CHST15: variants seen among roughly 807,000 people sequenced by gnomAD.
CHST15 encodes carbohydrate sulfotransferase 15.
CHST15 carries 30 observed loss-of-function variants against 53.6 expected under a neutral mutation model. The observed-to-expected ratio is 0.56, with a 90% CI of 0.42 to 0.76. CHST15 has a LOEUF of 0.76. CHST15 is among the 30% of genes least tolerant of loss of function. The probability of loss-of-function intolerance (pLI) is 0.00; values close to 1 mark genes in which losing one functional copy is unlikely to be tolerated. For missense variants in CHST15, 627 were observed against 740.5 expected (o/e 0.85, Z 1.78); for synonymous variants, 296 against 289.8 (o/e 1.02, Z -0.22).
Position 124,032,247 on chromosome 10 carries a change from G to A in CHST15, c.1190+6268C>T, listed in dbSNP as rs75037498. On this transcript the variant is annotated intron_variant, in intron 5 of 7. Transcript: ENST00000435907. ...GGTCAAAATCGAGTTTGAATTCTTCGCCAAGCTGAGTTCTCCTTCCCTTTG... is the reference window on the plus strand; with the variant it reads ...GGTCAAAATCGAGTTTGAATTCTTCACCAAGCTGAGTTCTCCTTCCCTTTG... 4.4e-3 allele frequency among the ~76,000 whole-genome samples: 673 copies of A among 152,284 alleles called. 3 individuals carry two copies. Among genetic ancestry groups the A allele is most frequent in the African/African-American group, 0.015 (619 of 41,558 alleles).
At chr10:124,016,935 CT>C (rs1250128051) in intron 6 of CHST15, among the ~76,000 whole-genome samples, 1 of 152,174 alleles carries the variant, frequency 6.6e-6, no homozygotes, top group Non-Finnish European at 1.5e-5. Flanking sequence ...TCAGTTTCAG[CT>C]GTGCTCTCCA....
At chr10:124,052,888 T>C (rs115609988) in intron 1 of CHST15, among the ~76,000 whole-genome samples, 4,269 of 152,108 alleles carry the variant, frequency 0.028, 193 homozygotes, top group African/African-American at 0.098. Flanking sequence ...AAAAAATTTG[T>C]CAGGATTGGT....
Position 124,024,836 on chromosome 10 carries a change from T to C in CHST15, c.1191-3424A>G, listed in dbSNP as rs1478506935. ...CAATTGGTCTGAGGGGTACCCTTCC[T>C]GGCTCACACATTTCCTATGAGTCCT... On this transcript the variant is annotated intron_variant, in intron 5 of 7. Transcript: ENST00000435907. The surrounding 1 kb of genome is among the most constrained non-coding windows in gnomAD (Gnocchi z 4.0). Among the ~76,000 whole-genome samples the C allele has an allele frequency of 2.0e-5, 3 of 152,232 alleles. No homozygotes were observed. The highest frequency in any genetic ancestry group is 7.2e-5 in the African/African-American group (3 of 41,462).
chr10:124,045,477 GCA>G (rs1947960542), intron 2 of CHST15, among the ~76,000 whole-genome samples, 188 bp downstream of exon 2: 1 of 152,292 alleles, frequency 6.6e-6, no homozygotes, highest in South Asian at 2.1e-4. Context: ...TCCCTTCCTG[GCA>G]CTCCATAGCG....
At chr10:124,047,632 C>T (rs990586464) in intron 1 of CHST15, among the ~76,000 whole-genome samples, 2 of 152,182 alleles carry the variant, frequency 1.3e-5, no homozygotes, top group African/African-American at 4.8e-5. Flanking sequence ...AGCCACATAA[C>T]CTCTCTGAGC....
At chr10:124,020,741 G>A in intron 6 of CHST15, 1 of 1,026,236 alleles carries the variant, frequency 9.7e-7, no homozygotes, top group Non-Finnish European at 1.2e-6. Flanking sequence ...ACAGCTTTTT[G>A]CATTCAAAAA....
intron 6 of CHST15, among the ~76,000 whole-genome samples, chr10:124,013,499 T>C (rs1355239380): frequency 6.6e-6 from 1 of 152,178 alleles, no homozygotes; most frequent in Non-Finnish European, 1.5e-5. Flanking sequence ...GCACTTCCTC[T>C]CCCTTGGCTG....
At chr10:124,028,132 G>A (rs768082132) in intron 5 of CHST15, among the ~76,000 whole-genome samples, 9 of 152,320 alleles carry the variant, frequency 5.9e-5, no homozygotes, top group Non-Finnish European at 7.3e-5. Context: ...TGCCACGGTC[G>A]GGAACAGCAA....
At position 124,042,332 on chromosome 10, in the gene CHST15, C is replaced by T; in HGVS notation, c.1002G>A (p.Lys334=). 1 of 1,614,056 alleles carries T rather than the reference C, an allele frequency of 6.2e-7. No individual in the cohort carries two copies. The highest frequency in any genetic ancestry group is 8.5e-7 in the Non-Finnish European group (1 of 1,179,910). ...TGATTGTATTCATCTTGCTCTGCTCCTTTGCAGAGCTGGCCTGCAGTCCTT... is the reference window on the plus strand; with the variant it reads ...TGATTGTATTCATCTTGCTCTGCTCTTTTGCAGAGCTGGCCTGCAGTCCTT... The part of the protein sequence containing the change: ...IHQGLQASSA[K]EQSKMNTIII... Residue 334 remains lysine (K), a synonymous_variant, in exon 4 of 8, where the codon AAG becomes AAA. Transcript: ENST00000435907.
rs555124421 is a variant in CHST15, at chr10:124,091,858, C to G, written c.-513+1611G>C. 9.2e-5 allele frequency among the ~76,000 whole-genome samples: 14 copies of G among 152,330 alleles called. No individual in the cohort carries two copies. The South Asian group carries it at 2.9e-3, about 32-fold the overall frequency. On this transcript the variant is annotated intron_variant, in intron 1 of 7. Transcript: ENST00000435907. ...ACCTCCAGCCGCCAGCAGCCGGCAACCCAGCCCCAGCCTTCCTCCTCTATA... is the reference window on the plus strand; with the variant it reads ...ACCTCCAGCCGCCAGCAGCCGGCAAGCCAGCCCCAGCCTTCCTCCTCTATA...
At chr10:124,086,951 C>T (rs926894144) in intron 1 of CHST15, among the ~76,000 whole-genome samples, 2 of 152,210 alleles carry the variant, frequency 1.3e-5, no homozygotes, top group African/African-American at 4.8e-5. Flanking sequence ...CTGCCCCACC[C>T]AGTGCCTATG....
rs150036804 is a variant in CHST15 at position 124,042,374 on chromosome 10, G to A, written c.960C>T (p.Ala320=). 1.9e-5 allele frequency: 30 copies of A among 1,614,028 alleles called. No individual in the cohort carries two copies. The highest frequency in any genetic ancestry group is 2.2e-5 in the Non-Finnish European group (26 of 1,180,014). The part of the protein sequence containing the change: ...VEDYLDLFDL[A]AHQIHQGLQA... ...GCAGTCCTTGATGGATCTGGTGTGC[G>A]GCCAGGTCAAAGAGGTCCAGATAAT... Residue 320 remains alanine, a synonymous_variant, in exon 4 of 8, where the codon GCC becomes GCT. Coordinates refer to ENST00000435907, the MANE Select transcript of CHST15 (RefSeq NM_001270764.2).
intron 5 of CHST15, among the ~76,000 whole-genome samples, chr10:124,025,075 G>C (rs759341915): frequency 1.1e-4 from 17 of 152,176 alleles, no homozygotes; most frequent in African/African-American, 1.7e-4. Context: ...TCCATACTGA[G>C]AATTTTCTTT....
chr10:124,011,714 G>C (rs1471092041), intron 7 of CHST15: 4 of 985,282 alleles, frequency 4.1e-6, no homozygotes, highest in Non-Finnish European at 4.8e-6. Context: ...CCCCTGGGGG[G>C]GCTGGTATCC....
chr10:124,080,519 C>T (rs944455736), intron 1 of CHST15, among the ~76,000 whole-genome samples: 6 of 152,214 alleles, frequency 3.9e-5, no homozygotes, highest in African/African-American at 1.4e-4. Context: ...AGCACTGGGA[C>T]CCTGTGTGTC....
At chr10:124,049,640 G>T (rs1324427651) in intron 1 of CHST15, among the ~76,000 whole-genome samples, 1 of 152,218 alleles carries the variant, frequency 6.6e-6, no homozygotes, top group East Asian at 1.9e-4. Context: ...AGTGGAGGAA[G>T]AGGGCATGGA....
Position 124,080,861 on chromosome 10 carries a change from G to A in CHST15, c.-513+12608C>T, listed in dbSNP as rs934289460. On this transcript the variant is annotated intron_variant, in intron 1 of 7. Transcript: ENST00000435907. ...CCTTTCACCCATCTGTCTGTCCATC[G>A]GCCCAATCATTCTTTCCCATGGACT... is the stretch of plus-strand genomic sequence containing the variant. 1.1e-4 allele frequency among the ~76,000 whole-genome samples: 17 copies of A among 152,084 alleles called. No individual in the cohort carries two copies. The East Asian group carries it at 1.2e-3, about 10-fold the overall frequency.
chr10:124,013,187 A>T (rs545470254), intron 6 of CHST15, among the ~76,000 whole-genome samples: 1 of 152,256 alleles, frequency 6.6e-6, no homozygotes, highest in East Asian at 1.9e-4. Flanking sequence ...CCTGCCTGAC[A>T]GAAGTGTCTT....
intron 1 of CHST15, among the ~76,000 whole-genome samples, chr10:124,093,263 A>G (rs1949662382): frequency 6.6e-6 from 1 of 151,240 alleles, no homozygotes; most frequent in South Asian, 2.1e-4. Flanking sequence ...CGCCACCGCC[A>G]CCGCCACCAC....
Sources: allele counts gnomAD v4.1 joint callset (sites outside exome capture counted in the v4.1 genomes callset), GRCh38; gene constraint gnomAD v4.1.1; non-coding constraint Gnocchi (gnomAD v3.1); transcripts MANE v1.5; gene names NCBI Gene and HGNC (gene_info 2026-07-23, HGNC 2026-07-21).